NTAQ1: variants seen among roughly 807,000 people sequenced by gnomAD.
NTAQ1 encodes the protein N-terminal glutamine amidase 1, also known as protein N-terminal glutamine amidohydrolase.
A neutral mutation model predicts 28.2 loss-of-function variants in NTAQ1; 21 were observed. The ratio of observed to expected loss-of-function variants is 0.74; its 90% CI spans 0.53 to 1.07. NTAQ1 has a LOEUF of 1.07. Among genes scored for constraint, NTAQ1 ranks in the 50% least tolerant of loss-of-function variants. NTAQ1 has a pLI of 0.00. For synonymous variants in NTAQ1, 105 were observed against 90.0 expected (o/e 1.17, Z -0.94); for missense variants, 264 against 256.6 (o/e 1.03, Z -0.20).
downstream of NTAQ1, among the ~76,000 whole-genome samples, chr8:123,452,143 G>C (rs1290173743): frequency 6.6e-6 from 1 of 152,194 alleles, no homozygotes; most frequent in Non-Finnish European, 1.5e-5. Flanking sequence ...CTGATATTGA[G>C]AGCAGGAGCT....
chr8:123,423,290 CTCT>C (rs997919986), intron 1 of NTAQ1, among the ~76,000 whole-genome samples: 2 of 91,062 alleles, frequency 2.2e-5, no homozygotes, highest in Non-Finnish European at 4.5e-5. Flanking sequence ...TTCCTTCCTT[CTCT>C]TCTTTTGTTT....
rs191631918 is a variant in NTAQ1, at chr8:123,429,971, T to C, written c.184-12T>C. On this transcript the variant is annotated splice_polypyrimidine_tract_variant and intron_variant, in intron 2 of 5. Transcript: ENST00000287387. ...TAAAGGTATGGCTTACGAAATGTAT[T>C]GTATTTTGTAGATACCTATCTGGAA... 2.8e-5 allele frequency: 45 copies of C among 1,602,558 alleles called. No homozygotes were observed. Among genetic ancestry groups the C allele is most frequent in the Non-Finnish European group, 3.6e-5 (42 of 1,173,944 alleles).
At chr8:123,466,778 G>T (rs1485143609) in intron 6 of NTAQ1, among the ~76,000 whole-genome samples, 6 of 152,086 alleles carry the variant, frequency 3.9e-5, no homozygotes, top group African/African-American at 1.4e-4. Flanking sequence ...GGTAATTCTA[G>T]TTTTAATTTT....
chr8:123,459,514 T>G (rs1815755066), intron 6 of NTAQ1, among the ~76,000 whole-genome samples: 1 of 152,192 alleles, frequency 6.6e-6, no homozygotes, highest in African/African-American at 2.4e-5. Flanking sequence ...TTCTAATCAT[T>G]GCTTAGTCTT....
chr8:123,467,236 A>G (rs1404694837), exon 7 of NTAQ1: 1 of 151,966 alleles, frequency 6.6e-6, no homozygotes, highest in Non-Finnish European at 1.5e-5. Context: ...GGGTTCCGCC[A>G]TGTTGGTGAA....
intron 4 of NTAQ1, among the ~76,000 whole-genome samples, chr8:123,436,976 C>G (rs1359496265): frequency 6.6e-6 from 1 of 152,108 alleles, no homozygotes; most frequent in Non-Finnish European, 1.5e-5. Flanking sequence ...ATACACAAAT[C>G]GAGTAAATCG....
Position 123,435,345 on chromosome 8 carries a change from C to T in NTAQ1, c.235-1108C>T, listed in dbSNP as rs750422871. ...CTCCCTTAGTGGCTACAGATGAAAG[C>T]TTGGCTAACTTCTTTTTTTAAAAAA... On this transcript the variant is annotated intron_variant, in intron 3 of 5. Coordinates refer to ENST00000287387, the MANE Select transcript of NTAQ1 (RefSeq NM_018024.3). The T allele has an allele frequency of 3.2e-4, 137 of 423,264 alleles. No homozygotes were observed. In the Middle Eastern group the frequency reaches 5.6e-3, roughly 17 times the overall value. The allele number at this position is 423,264 out of a possible 1,614,324, so 26.2% of individuals were successfully genotyped here. A position where few individuals can be genotyped will look rare whatever the true frequency, so the allele number is the denominator to read the frequency against.
chr8:123,439,303 G>C (rs1317152929), intron 5 of NTAQ1, among the ~76,000 whole-genome samples: 1 of 151,048 alleles, frequency 6.6e-6, no homozygotes, highest in Non-Finnish European at 1.5e-5. Flanking sequence ...CTCAGCCTCT[G>C]GATTAGTTGG....
At chr8:123,424,574 A>T (rs1813925931) in intron 1 of NTAQ1, among the ~76,000 whole-genome samples, 1 of 150,410 alleles carries the variant, frequency 6.6e-6, no homozygotes, top group African/African-American at 2.4e-5. Context: ...GGGTTTCGTC[A>T]TGTTGGCCAG....
chr8:123,459,631 TC>T (rs1217690220), intron 6 of NTAQ1, among the ~76,000 whole-genome samples: 1 of 151,974 alleles, frequency 6.6e-6, no homozygotes, highest in African/African-American at 2.4e-5. Flanking sequence ...AGTCAGGTGT[TC>T]CTATTACTCA....
chr8:123,432,730 A>C (rs1217925673), intron 3 of NTAQ1, among the ~76,000 whole-genome samples: 1 of 146,716 alleles, frequency 6.8e-6, no homozygotes, highest in Non-Finnish European at 1.5e-5. Context: ...CCTAGGCTGG[A>C]GTGCAGTGGT....
chr8:123,474,987 T>C (rs1816076886), downstream of NTAQ1, among the ~76,000 whole-genome samples: 1 of 152,242 alleles, frequency 6.6e-6, no homozygotes, highest in Admixed American at 6.5e-5. Flanking sequence ...CCACAATTAT[T>C]ACTATGGCAT....
At position 123,420,310 on chromosome 8, in the gene NTAQ1, A is replaced by G. The variant is rs1586924456; in HGVS notation, c.83+3378A>G. ...GATATATACCACATTTTCTTGATCC[A>G]GTTCACCATTGATAGGTGCCTAGGT... On this transcript the variant is annotated intron_variant, in intron 1 of 5. Coordinates refer to ENST00000287387, the MANE Select transcript of NTAQ1 (RefSeq NM_018024.3). Among the ~76,000 whole-genome samples the G allele has an allele frequency of 2.0e-5, 3 of 152,294 alleles. No individual in the cohort carries two copies. The South Asian group carries it at 6.2e-4, about 32-fold the overall frequency.
downstream of NTAQ1, among the ~76,000 whole-genome samples, chr8:123,473,608 AC>A (rs1816063273): frequency 6.6e-6 from 1 of 152,210 alleles, no homozygotes; most frequent in South Asian, 2.1e-4. Context: ...TTGAATTTCT[AC>A]ATTGTTGACA....
At chr8:123,471,779 A>T (rs1475879792), downstream of NTAQ1, among the ~76,000 whole-genome samples, 1 of 152,140 alleles carries the variant, frequency 6.6e-6, no homozygotes. Flanking sequence ...CACATTAGGG[A>T]GGGTAATCTG....
chr8:123,450,496 C>T (rs1389702030), downstream of NTAQ1, among the ~76,000 whole-genome samples: 1 of 151,760 alleles, frequency 6.6e-6, no homozygotes, highest in Non-Finnish European at 1.5e-5. Flanking sequence ...TCAGCTGATT[C>T]TTCCATTTTG....
chr8:123,429,673 T>C (rs928193052), intron 2 of NTAQ1, among the ~76,000 whole-genome samples: 83 of 152,248 alleles, frequency 5.5e-4, no homozygotes, highest in African/African-American at 1.9e-3. Context: ...GAGACCAGCC[T>C]GGCCAACATG....
chr8:123,446,877 C>G (rs1450353564), downstream of NTAQ1, among the ~76,000 whole-genome samples: 1 of 152,168 alleles, frequency 6.6e-6, no homozygotes, highest in Non-Finnish European at 1.5e-5. Context: ...GTTTGGTTTT[C>G]TCTGTCTGGT....
At chr8:123,447,265 C>A (rs962499454) in intron 6 of NTAQ1, among the ~76,000 whole-genome samples, 1 of 152,022 alleles carries the variant, frequency 6.6e-6, no homozygotes, top group Non-Finnish European at 1.5e-5. Flanking sequence ...GCACATACAA[C>A]TAAAGAGCAG....
Sources: gnomAD v4.1 joint callset for allele counts (sites outside exome capture counted in the v4.1 genomes callset) on GRCh38, gnomAD v4.1.1 for gene constraint, MANE v1.5 for transcripts, NCBI Gene and HGNC (gene_info 2026-07-23, HGNC 2026-07-21) for gene names.